Variants in VEPH1 observed in about 807,000 individuals in gnomAD.
VEPH1 encodes ventricular zone expressed PH domain containing 1.
Under a neutral mutation model 85.2 loss-of-function variants are expected in VEPH1, and 80 were observed. The ratio of observed to expected loss-of-function variants is 0.94; its 90% CI spans 0.78 to 1.13. The LOEUF (loss-of-function observed/expected upper bound fraction) is 1.13, where lower values mean the gene tolerates loss of function less well. VEPH1 is among the 50% of genes most tolerant of loss of function. The probability of loss-of-function intolerance (pLI) is 0.00; values close to 1 mark genes in which losing one functional copy is unlikely to be tolerated. For synonymous variants in VEPH1, 297 were observed against 348.0 expected (o/e 0.85, Z 1.63); for missense variants, 955 against 980.5 (o/e 0.97, Z 0.35).
chr3:157,297,273 T>C (rs1427023130), intron 11 of VEPH1, among the ~76,000 whole-genome samples: 1 of 152,232 alleles, frequency 6.6e-6, no homozygotes, highest in African/African-American at 2.4e-5. Context: ...GAAACATATT[T>C]AGTTTTCTAA....
At chr3:157,346,234 C>T (rs1724207872) in intron 9 of VEPH1, among the ~76,000 whole-genome samples, 1 of 152,082 alleles carries the variant, frequency 6.6e-6, no homozygotes, top group African/African-American at 2.4e-5. Flanking sequence ...TTAATATCTC[C>T]AAAGGGCATT....
At chr3:157,452,081 A>C (rs1027185757) in intron 4 of VEPH1, among the ~76,000 whole-genome samples, 1 of 152,200 alleles carries the variant, frequency 6.6e-6, no homozygotes, top group Non-Finnish European at 1.5e-5. Context: ...TGTGTGATTG[A>C]CAAAAAACTG....
At chr3:157,444,425 T>C (rs1317411269) in intron 4 of VEPH1, among the ~76,000 whole-genome samples, 1 of 152,368 alleles carries the variant, frequency 6.6e-6, no homozygotes, top group Non-Finnish European at 1.5e-5. Flanking sequence ...ATGTTCATCA[T>C]ATAAGTATAG....
rs551903769 is a variant in VEPH1 at position 157,331,680 on chromosome 3, T to C, written c.1736-14479A>G. ...GAGAATTACACTTCTTGCAGCTCTT[T>C]CATGGTTTGTGTATGTTCAATGATA... On this transcript the variant is annotated intron_variant, in intron 9 of 13. Coordinates refer to ENST00000362010, the MANE Select transcript of VEPH1 (RefSeq NM_001167912.2). Among the ~76,000 whole-genome samples the C allele has an allele frequency of 2.6e-4, 40 of 152,310 alleles. No individual in the cohort carries two copies. The Middle Eastern group carries it at 0.014, about 52-fold the overall frequency.
At chr3:157,359,685 A>G (rs1725826970) in intron 9 of VEPH1, among the ~76,000 whole-genome samples, 1 of 152,202 alleles carries the variant, frequency 6.6e-6, no homozygotes, top group South Asian at 2.1e-4. Flanking sequence ...TTCAACTCAT[A>G]CCGAATTCTG....
At chr3:157,386,060 A>T (rs546210451) in intron 6 of VEPH1, among the ~76,000 whole-genome samples, 50 of 152,260 alleles carry the variant, frequency 3.3e-4, no homozygotes, top group Admixed American at 9.8e-4. Flanking sequence ...GGCAGATAAT[A>T]GATTTTCCAA....
rs558989162 is a variant in VEPH1 at position 157,487,764 on chromosome 3, C to CT, written c.138+7447dup. ...AATAATGGTTCTATATTTGAAAAATCTATTACTGTAATTCACCACATTAAC... is the reference window on the plus strand; with the variant it reads ...AATAATGGTTCTATATTTGAAAAATCTTATTACTGTAATTCACCACATTAAC... On this transcript the variant is annotated intron_variant, in intron 2 of 13. Transcript: ENST00000362010. Among the ~76,000 whole-genome samples the CT allele has an allele frequency of 2.1e-3, 321 of 152,194 alleles. 1 individual carries two copies. The highest frequency in any genetic ancestry group is 7.2e-3 in the African/African-American group (301 of 41,542).
chr3:157,481,673 T>G (rs1184644490), intron 2 of VEPH1, among the ~76,000 whole-genome samples: 1 of 152,142 alleles, frequency 6.6e-6, no homozygotes, highest in Non-Finnish European at 1.5e-5. Context: ...TCATAAATTC[T>G]TTCCCAAGAC....
intron 6 of VEPH1, among the ~76,000 whole-genome samples, chr3:157,401,112 TTTAA>T (rs1176641495): frequency 6.6e-6 from 1 of 152,166 alleles, no homozygotes; most frequent in Non-Finnish European, 1.5e-5. Context: ...ACAGCCCATC[TTTAA>T]TTACACAATA....
chr3:157,469,014 T>C (rs970417073), intron 3 of VEPH1, among the ~76,000 whole-genome samples: 1 of 152,140 alleles, frequency 6.6e-6, no homozygotes, highest in Admixed American at 6.5e-5. Context: ...ATGGATAGGA[T>C]GGTTAAATTG....
chr3:157,341,460 A>G (rs919551735), intron 9 of VEPH1, among the ~76,000 whole-genome samples: 8 of 152,220 alleles, frequency 5.3e-5, no homozygotes, highest in Admixed American at 3.9e-4. Context: ...CGAAGTGACA[A>G]GAGAAGTTTA....
chr3:157,267,442 T>A (rs1315345439), intron 12 of VEPH1, among the ~76,000 whole-genome samples: 1 of 152,068 alleles, frequency 6.6e-6, no homozygotes, highest in Non-Finnish European at 1.5e-5. Context: ...GGCTATTTTT[T>A]TTTCCGGATG....
intron 4 of VEPH1, among the ~76,000 whole-genome samples, chr3:157,447,943 G>T (rs180911649): frequency 2.6e-5 from 4 of 152,022 alleles, no homozygotes; most frequent in Admixed American, 2.0e-4. Context: ...ATACTCAATT[G>T]GTGATGACAA....
In VEPH1 at chr3:157,286,640, A is replaced by G. The variant is rs763990830; in HGVS notation, c.2045T>C (p.Val682Ala). 1 of 1,613,946 alleles carries G rather than the reference A, an allele frequency of 6.2e-7. No individual in the cohort carries two copies. Among genetic ancestry groups the G allele is most frequent in the Non-Finnish European group, 8.5e-7 (1 of 1,179,952 alleles). The change falls in exon 12 of 14, where the codon GTG (valine) becomes GCG (alanine). Residue 682 changes from valine (V) to alanine (A), a missense_variant. Val to Ala is a moderately conservative substitution (Grantham distance 64, BLOSUM62 0). Coordinates refer to ENST00000362010, the MANE Select transcript of VEPH1 (RefSeq NM_001167912.2). Reference sequence around the variant, plus strand: ...GAAGCCAAACACGTCAAAGAACCTCACTTCTTCCAGATGGAGCTGTACCTG... The same window carrying G: ...GAAGCCAAACACGTCAAAGAACCTCGCTTCTTCCAGATGGAGCTGTACCTG... ...LDQVQLHLEE[V>A]RFFDVFGFSE... is the part of the protein sequence containing the mutation.
chr3:157,271,496 G>A (rs1714545153), intron 12 of VEPH1, among the ~76,000 whole-genome samples: 1 of 152,198 alleles, frequency 6.6e-6, no homozygotes, highest in African/African-American at 2.4e-5. Context: ...TCCGCCTGAA[G>A]AGGAAAGGGC....
intron 12 of VEPH1, among the ~76,000 whole-genome samples, chr3:157,282,755 G>A (rs1274693493): frequency 2.0e-5 from 3 of 152,196 alleles, no homozygotes; most frequent in Non-Finnish European, 4.4e-5. Context: ...CATACACTGT[G>A]CAATTCCAAG....
At chr3:157,407,747 T>A (rs534099935) in intron 6 of VEPH1, among the ~76,000 whole-genome samples, 1 of 152,266 alleles carries the variant, frequency 6.6e-6, no homozygotes, top group South Asian at 2.1e-4. Flanking sequence ...TACAAATAAG[T>A]GCAATGAGAA....
At chr3:157,443,126 C>T (rs1734271362) in intron 4 of VEPH1, 1 of 911,626 alleles carries the variant, frequency 1.1e-6, no homozygotes. Context: ...TTGTACTGGC[C>T]AAATACTGAA....
At chr3:157,431,658 C>A (rs116134089) in intron 4 of VEPH1, among the ~76,000 whole-genome samples, 6 of 152,046 alleles carry the variant, frequency 3.9e-5, no homozygotes, top group Non-Finnish European at 8.8e-5. Flanking sequence ...TTCTGCCTAC[C>A]ACCAAGATTA....
Sources: allele counts gnomAD v4.1 joint callset (sites outside exome capture counted in the v4.1 genomes callset), GRCh38; gene constraint gnomAD v4.1.1; transcripts MANE v1.5; gene names NCBI Gene and HGNC (gene_info 2026-07-23, HGNC 2026-07-21).